Variants in ADCK1 observed in about 807,000 individuals in gnomAD.
ADCK1 encodes the protein aarF domain-containing protein kinase 1.
ADCK1 carries 41 observed loss-of-function variants against 52.3 expected under a neutral mutation model. The ratio of observed to expected loss-of-function variants is 0.78; its 90% CI spans 0.61 to 1.02. The LOEUF is 1.02. ADCK1 is among the 50% of genes least tolerant of loss of function. ADCK1 has a pLI of 0.00. For missense variants in ADCK1, 658 were observed against 679.5 expected, an observed-to-expected ratio of 0.97 and a Z score of 0.35; for synonymous variants, 250 against 274.6, an observed-to-expected ratio of 0.91 and a Z score of 0.89.
intron 5 of ADCK1, among the ~76,000 whole-genome samples, chr14:77,893,118 C>G (rs2140223281): frequency 6.6e-6 from 1 of 152,284 alleles, no homozygotes; most frequent in South Asian, 2.1e-4. Context: ...GATATTGTCC[C>G]TTTAATAGTT....
intron 3 of ADCK1, among the ~76,000 whole-genome samples, chr14:77,832,224 C>T (rs903098828): frequency 1.1e-4 from 16 of 152,264 alleles, no homozygotes; most frequent in Admixed American, 4.6e-4. Context: ...ATGATCCGCC[C>T]GCCTTGGCTG....
In ADCK1 at chr14:77,887,295, C is replaced by T. The variant is rs1050704885; in HGVS notation, c.582+46C>T. The T allele has an allele frequency of 1.2e-5, 18 of 1,493,866 alleles. No individual in the cohort carries two copies. In the South Asian group the frequency reaches 2.5e-4, roughly 21 times the overall value. 92.5% of individuals were successfully genotyped at this position (1,493,866 alleles called of 1,614,324 possible). ...CTTCCTGTGTCCTCAGTCTACATTT[C>T]CCTGGGATCCAGGCCACCTAGGTGG... is the stretch of plus-strand genomic sequence containing the variant. On this transcript the variant is annotated intron_variant, in intron 5 of 10. Coordinates refer to ENST00000238561, the MANE Select transcript of ADCK1 (RefSeq NM_020421.4).
At chr14:77,913,922 G>A (rs1488520780) in intron 7 of ADCK1, among the ~76,000 whole-genome samples, 1 of 109,038 alleles carries the variant, frequency 9.2e-6, no homozygotes, top group Non-Finnish European at 1.9e-5. Context: ...CCCTGTCCTT[G>A]GGGTGGTGCT....
intron 6 of ADCK1, among the ~76,000 whole-genome samples, chr14:77,903,548 T>A (rs2083594491): frequency 6.6e-6 from 1 of 152,046 alleles, no homozygotes; most frequent in African/African-American, 2.4e-5. Context: ...CCAGGCTTAG[T>A]GGATCTGGCA....
intron 1 of ADCK1, among the ~76,000 whole-genome samples, chr14:77,811,696 C>A (rs1253517804): frequency 6.6e-6 from 1 of 152,120 alleles, no homozygotes. Context: ...ATGGTCCCAG[C>A]TACTTGGGAG....
chr14:77,843,591 C>T (rs1204736724), intron 3 of ADCK1, among the ~76,000 whole-genome samples: 1 of 152,146 alleles, frequency 6.6e-6, no homozygotes, highest in African/African-American at 2.4e-5. Context: ...GGCAGGCTTG[C>T]TCACTGGCAG....
At chr14:77,837,277 C>T (rs575379423) in intron 3 of ADCK1, among the ~76,000 whole-genome samples, 46 of 151,534 alleles carry the variant, frequency 3.0e-4, no homozygotes, top group African/African-American at 9.7e-4. Context: ...GTTGGGATTA[C>T]AGGCATGCAT....
intron 4 of ADCK1, among the ~76,000 whole-genome samples, chr14:77,870,579 G>A (rs1274442943): frequency 7.9e-5 from 12 of 152,228 alleles, no homozygotes; most frequent in Admixed American, 7.9e-4. Flanking sequence ...TTGCAAAGGT[G>A]AGCTCTCCCT....
At chr14:77,922,632 T>G (rs1471452030) in intron 7 of ADCK1, among the ~76,000 whole-genome samples, 5 of 152,188 alleles carry the variant, frequency 3.3e-5, no homozygotes, top group African/African-American at 9.7e-5. Flanking sequence ...AATTGAAAAG[T>G]GCAGAAGTGG....
chr14:77,855,706 CAT>C (rs2082403724), intron 3 of ADCK1, among the ~76,000 whole-genome samples: 3 of 152,150 alleles, frequency 2.0e-5, no homozygotes, highest in South Asian at 2.1e-4. Context: ...GGACAGTACA[CAT>C]GTGTGCCATG....
intron 3 of ADCK1, among the ~76,000 whole-genome samples, chr14:77,852,908 T>TATATATATATATATATATATATATA (rs56338375): frequency 5.1e-4 from 12 of 23,534 alleles, no homozygotes; most frequent in Admixed American, 7.0e-4. Flanking sequence ...TATATATATA[T>TATATATATATATATATATATATATA]TTTTTTTTTT....
chr14:77,811,572 C>T (rs1470658922), intron 1 of ADCK1, among the ~76,000 whole-genome samples: 3 of 152,038 alleles, frequency 2.0e-5, no homozygotes, highest in Non-Finnish European at 2.9e-5. Flanking sequence ...TTTGGGAGAC[C>T]GAGGTGGGAA....
chr14:77,822,328 C>T (rs1451418161), intron 2 of ADCK1, 107 bp from the exon 3 acceptor site: 3 of 868,882 alleles, frequency 3.5e-6, no homozygotes, highest in African/African-American at 1.6e-5. Context: ...ACTGGCCACT[C>T]CCCCAGACAT....
intron 5 of ADCK1, among the ~76,000 whole-genome samples, chr14:77,893,493 T>C (rs1269896560): frequency 1.3e-5 from 2 of 152,074 alleles, no homozygotes; most frequent in Non-Finnish European, 2.9e-5. Context: ...CCTCTCACCC[T>C]AAGGAATCTA....
intron 6 of ADCK1, among the ~76,000 whole-genome samples, chr14:77,902,067 C>T (rs1451328010): frequency 6.6e-6 from 1 of 152,140 alleles, no homozygotes; most frequent in African/African-American, 2.4e-5. Context: ...TCTCATTCTT[C>T]CCTAAGGTGT....
At chr14:77,922,504 G>T (rs1294558002) in intron 7 of ADCK1, among the ~76,000 whole-genome samples, 1 of 152,144 alleles carries the variant, frequency 6.6e-6, no homozygotes, top group Non-Finnish European at 1.5e-5. Flanking sequence ...GAGTCACCAG[G>T]GCACAGCACC....
chr14:77,802,225 G>A (rs1242606991), intron 1 of ADCK1, among the ~76,000 whole-genome samples: 1 of 151,906 alleles, frequency 6.6e-6, no homozygotes, highest in African/African-American at 2.4e-5. Flanking sequence ...ATGCACCTCG[G>A]AATCTGGTTG....
intron 1 of ADCK1, among the ~76,000 whole-genome samples, chr14:77,810,665 G>C (rs914897475): frequency 6.6e-6 from 1 of 151,976 alleles, no homozygotes; most frequent in African/African-American, 2.4e-5. Flanking sequence ...CGAGTAGCTG[G>C]GACTACAGGC....
Position 77,816,742 on chromosome 14 carries a change from C to T in ADCK1, c.-11-2226C>T, listed in dbSNP as rs962886236. Among the ~76,000 whole-genome samples the T allele has an allele frequency of 2.0e-5, 3 of 151,622 alleles. No homozygotes were observed. The East Asian group carries it at 5.8e-4, about 29-fold the overall frequency. On this transcript the variant is annotated intron_variant, in intron 1 of 10. Coordinates refer to ENST00000238561, the MANE Select transcript of ADCK1 (RefSeq NM_020421.4). ...ACCCAAAGAAGGGGTTGTGGGAACC[C>T]CAGCTTGAAGCTGGTTGGTCAGAAG... is the stretch of plus-strand genomic sequence containing the variant.
Sources: allele counts gnomAD v4.1 joint callset (sites outside exome capture counted in the v4.1 genomes callset), GRCh38; gene constraint gnomAD v4.1.1; transcripts MANE v1.5; gene names NCBI Gene and HGNC (gene_info 2026-07-23, HGNC 2026-07-21).